SLC24A4: variants seen among roughly 807,000 people sequenced by gnomAD.
SLC24A4 encodes the protein solute carrier family 24 member 4.
Under a neutral mutation model 79.0 loss-of-function variants are expected in SLC24A4, and 53 were observed. The observed-to-expected ratio is 0.67, with a 90% CI of 0.54 to 0.84. The LOEUF is 0.84. Among genes scored for constraint, SLC24A4 ranks in the 40% least tolerant of loss-of-function variants. SLC24A4 has a pLI of 0.00. For missense variants in SLC24A4, 731 were observed against 822.0 expected (o/e 0.89, Z 1.35); for synonymous variants, 323 against 323.8 (o/e 1.00, Z 0.03).
chr14:92,409,763 A>G (rs762154726), intron 2 of SLC24A4, among the ~76,000 whole-genome samples: 1 of 152,174 alleles, frequency 6.6e-6, no homozygotes, highest in Non-Finnish European at 1.5e-5. Context: ...GCTATTCACA[A>G]TAGCAAAGAC....
intron 10 of SLC24A4, chr14:92,452,347 G>C (rs905129549): frequency 6.6e-6 from 1 of 152,622 alleles, no homozygotes; most frequent in Non-Finnish European, 1.5e-5. Flanking sequence ...GGAGGGATTT[G>C]AGCTTTCATG....
intron 12 of SLC24A4, among the ~76,000 whole-genome samples, chr14:92,465,940 C>CA (rs1894089714): frequency 6.6e-6 from 1 of 152,204 alleles, no homozygotes; most frequent in South Asian, 2.1e-4. Context: ...TCTTCCTCTT[C>CA]CCCACAAACC....
chr14:92,488,889 G>GGCC (rs1195839118), intron 14 of SLC24A4, among the ~76,000 whole-genome samples: 4 of 152,226 alleles, frequency 2.6e-5, no homozygotes, highest in Non-Finnish European at 5.9e-5. Flanking sequence ...TGGAGTTCAG[G>GGCC]CTAGGGAGGG....
chr14:92,440,676 GT>G (rs1892441730), intron 4 of SLC24A4, among the ~76,000 whole-genome samples: 1 of 151,966 alleles, frequency 6.6e-6, no homozygotes. Flanking sequence ...AGCAAGGGTG[GT>G]GGTCTTAGCT....
chr14:92,426,503 T>C (rs1440810883), intron 2 of SLC24A4, among the ~76,000 whole-genome samples: 2 of 152,248 alleles, frequency 1.3e-5, no homozygotes. Context: ...TGGTTGCTCC[T>C]GGAAAGAACA....
Position 92,497,355 on chromosome 14 carries a change from A to G in SLC24A4, c.*3727A>G, listed in dbSNP as rs1035565188. 1 of 152,212 alleles carries G rather than the reference A, an allele frequency of 6.6e-6. No homozygotes were observed. Among genetic ancestry groups the G allele is most frequent in the Admixed American group, 6.5e-5 (1 of 15,278 alleles). 9.4% of individuals were successfully genotyped at this position (152,212 alleles called of 1,614,324 possible). A position where few individuals can be genotyped will look rare whatever the true frequency, so the allele number is the denominator to read the frequency against. On this transcript the variant is annotated 3_prime_UTR_variant, in exon 17 of 17. Transcript: ENST00000532405. Reference sequence around the variant, plus strand: ...TATGGGGATTTGCAAGCCTAATTGCATCAGCAGGAGCCCATCTCTCAGAGA... The same window carrying G: ...TATGGGGATTTGCAAGCCTAATTGCGTCAGCAGGAGCCCATCTCTCAGAGA...
At chr14:92,465,556 G>A (rs1037994356) in intron 12 of SLC24A4, among the ~76,000 whole-genome samples, 8 of 152,106 alleles carry the variant, frequency 5.3e-5, no homozygotes, top group East Asian at 1.9e-4. Flanking sequence ...TCCTGGGATC[G>A]GCACCAGCCG....
At position 92,474,707 on chromosome 14, in the gene SLC24A4, GTGTATATATATATA is replaced by G. The variant is rs1354718978; in HGVS notation, c.1256-7972_1256-7959del. Among the ~76,000 whole-genome samples, 4 of 4,210 alleles carry G rather than the reference GTGTATATATATATA, an allele frequency of 9.5e-4. No individual in the cohort carries two copies. The Non-Finnish European group carries it at 0.01, about 11-fold the overall frequency. The allele number at this position is 4,210 out of a possible 152,430, so 2.8% of individuals were successfully genotyped here. On this transcript the variant is annotated intron_variant, in intron 12 of 16. Coordinates refer to ENST00000532405, the MANE Select transcript of SLC24A4 (RefSeq NM_153646.4). Reference sequence around the variant, plus strand: ...CACATATATATGTATATATACGTGTGTGTATATATATATACACACACGTATATATACGTATATAT... The same window carrying G: ...CACATATATATGTATATATACGTGTGCACACACGTATATATACGTATATAT...
intron 2 of SLC24A4, among the ~76,000 whole-genome samples, chr14:92,416,482 A>G (rs17128291): frequency 0.11 from 16,965 of 152,216 alleles, 1,180 homozygotes; most frequent in Non-Finnish European, 0.16. Flanking sequence ...TGAACTTTCC[A>G]GACTTTTAAT....
intron 2 of SLC24A4, among the ~76,000 whole-genome samples, chr14:92,376,468 C>G (rs990750786): frequency 2.0e-5 from 3 of 152,252 alleles, no homozygotes; most frequent in African/African-American, 4.8e-5. Context: ...CTGGGGGCAG[C>G]GTGGGAGACG....
At chr14:92,426,004 A>G (rs1023399033) in intron 2 of SLC24A4, among the ~76,000 whole-genome samples, 2 of 152,066 alleles carry the variant, frequency 1.3e-5, no homozygotes, top group South Asian at 4.1e-4. Context: ...CAATCAGTCA[A>G]TCAATCAATC....
rs150817091 is a variant in SLC24A4 at position 92,337,751 on chromosome 14, G to A, written c.241+11773G>A. On this transcript the variant is annotated intron_variant, in intron 2 of 16. Transcript: ENST00000532405. Reference sequence around the variant, plus strand: ...TGTACACACATATGTGCTCCTGGAAGTCAGACAGCACCATTATCTCAGGGT... The same window carrying A: ...TGTACACACATATGTGCTCCTGGAAATCAGACAGCACCATTATCTCAGGGT... Among the ~76,000 whole-genome samples, 272 of 152,296 alleles carry A rather than the reference G, an allele frequency of 1.8e-3. 3 individuals carry two copies. Among genetic ancestry groups the A allele is most frequent in the African/African-American group, 6.1e-3 (255 of 41,552 alleles).
At chr14:92,368,911 C>A (rs1312402665) in intron 2 of SLC24A4, among the ~76,000 whole-genome samples, 1 of 152,142 alleles carries the variant, frequency 6.6e-6, no homozygotes, top group East Asian at 1.9e-4. Context: ...CCAGCTCCCT[C>A]CCCCTGCTCA....
intron 12 of SLC24A4, among the ~76,000 whole-genome samples, chr14:92,463,987 C>A (rs1473066646): frequency 6.6e-6 from 1 of 152,090 alleles, no homozygotes; most frequent in African/African-American, 2.4e-5. Flanking sequence ...TACTTTATTC[C>A]TTTTTATGGC....
chr14:92,364,621 C>T (rs1887719995), intron 2 of SLC24A4, among the ~76,000 whole-genome samples: 1 of 152,076 alleles, frequency 6.6e-6, no homozygotes, highest in Admixed American at 6.5e-5. Flanking sequence ...CTGAGAGCCC[C>T]GTGGTGGGTG....
chr14:92,376,195 G>A (rs1361679304), intron 2 of SLC24A4, among the ~76,000 whole-genome samples: 3 of 152,216 alleles, frequency 2.0e-5, no homozygotes, highest in Non-Finnish European at 2.9e-5. Flanking sequence ...ATCCTGGCAA[G>A]CTTTGTGATG....
chr14:92,444,962 CA>C (rs1892712520), intron 7 of SLC24A4, among the ~76,000 whole-genome samples: 1 of 149,766 alleles, frequency 6.7e-6, no homozygotes, highest in Non-Finnish European at 1.5e-5. Flanking sequence ...CACACACACA[CA>C]CACACACACT....
chr14:92,474,825 A>ATGTGTGTGTGTGTGTGTG (rs762949686), intron 12 of SLC24A4, among the ~76,000 whole-genome samples: 5 of 31,798 alleles, frequency 1.6e-4, no homozygotes, highest in Admixed American at 6.4e-4. Context: ...ATATATACAT[A>ATGTGTGTGTGTGTGTGTG]TATATGTGTG....
chr14:92,389,632 G>A (rs1889356534), intron 2 of SLC24A4, among the ~76,000 whole-genome samples: 3 of 152,114 alleles, frequency 2.0e-5, no homozygotes, highest in Non-Finnish European at 2.9e-5. Context: ...TATATGGAAG[G>A]GGACACAGGC....
Sources: allele counts gnomAD v4.1 joint callset (sites outside exome capture counted in the v4.1 genomes callset), GRCh38; gene constraint gnomAD v4.1.1; transcripts MANE v1.5; gene names NCBI Gene and HGNC (gene_info 2026-07-23, HGNC 2026-07-21).